Variants in PI4KA observed in about 807,000 individuals in gnomAD.
The protein encoded by PI4KA is phosphatidylinositol 4-kinase alpha, also known as PI4-kinase alpha.
Under a neutral mutation model 271.4 loss-of-function variants are expected in PI4KA, and 122 were observed. The ratio of observed to expected loss-of-function variants is 0.45; its 90% CI spans 0.39 to 0.52. The LOEUF is 0.52. Among genes scored for constraint, PI4KA ranks in the 20% least tolerant of loss-of-function variants. The probability of loss-of-function intolerance (pLI) is 0.00; values close to 1 mark genes in which losing one functional copy is unlikely to be tolerated. For missense variants in PI4KA, 1,969 were observed against 2,769.1 expected (o/e 0.71, Z 6.48); for synonymous variants, 1,041 against 1,078.8 (o/e 0.96, Z 0.69).
intron 45 of PI4KA, among the ~76,000 whole-genome samples, chr22:20,716,295 A>G (rs1242562897): frequency 6.6e-6 from 1 of 152,042 alleles, no homozygotes; most frequent in Admixed American, 6.5e-5. Context: ...CAGGTGATCC[A>G]CCTGCCTTGG....
Position 20,819,745 on chromosome 22 carries a change from G to A in PI4KA, c.685C>T (p.Arg229Cys), listed in dbSNP as rs751633032. 4 of 1,613,924 alleles carry A rather than the reference G, an allele frequency of 2.5e-6. No individual in the cohort carries two copies. Among genetic ancestry groups the A allele is most frequent in the Non-Finnish European group, 3.4e-6 (4 of 1,179,994 alleles). The change falls in exon 6 of 55, where the codon CGT (arginine) becomes TGT (cysteine). Residue 229 changes from arginine (R) to cysteine (C), a missense_variant. By Grantham distance (180) the Arg-to-Cys change is radical. This residue lies in a region of PI4KA where 540 missense variants were observed against 555.5 expected (regional missense o/e 0.97). Transcript: ENST00000255882. ...VLEELEGVRR[R>C]SFNDFRSILP... The stretch of plus-strand genomic sequence containing the variant: ...ATGGAGCGGAAGTCATTAAAGGAAC[G>A]CCTTCGAACACCTTCAAGCTCTTCC...
intron 48 of PI4KA, 123 bp from the exon 49 acceptor site, chr22:20,712,920 G>A (rs1210222861): frequency 8.4e-6 from 12 of 1,432,088 alleles, no homozygotes; most frequent in Admixed American, 4.4e-5. Flanking sequence ...GACCACAGCC[G>A]AGCAAGAGTC....
At chr22:20,723,456 G>T (rs899623349) in intron 42 of PI4KA, among the ~76,000 whole-genome samples, 1 of 151,964 alleles carries the variant, frequency 6.6e-6, no homozygotes, top group South Asian at 2.1e-4. Context: ...CCAGCATTTT[G>T]GGAGGCCGAG....
At chr22:20,769,473 G>T (rs981176999) in intron 19 of PI4KA, among the ~76,000 whole-genome samples, 1 of 152,062 alleles carries the variant, frequency 6.6e-6, no homozygotes, top group Non-Finnish European at 1.5e-5. Flanking sequence ...ATCGAGATCA[G>T]CCTGGCTAAC....
chr22:20,796,330 T>C lies in PI4KA; in HGVS notation c.2109-16A>G, dbSNP rs1329524746. 1 of 1,606,622 alleles carries C rather than the reference T, an allele frequency of 6.2e-7. No individual in the cohort carries two copies. The highest frequency in any genetic ancestry group is 2.2e-5 in the East Asian group (1 of 44,648). On this transcript the variant is annotated splice_polypyrimidine_tract_variant and intron_variant, in intron 17 of 54. Transcript: ENST00000255882. ...GGAGCAATGCCTGAAGAAGAAGGAGTGAAATAACAGCCACTGCCAGGCCCT... is the reference window on the plus strand; with the variant it reads ...GGAGCAATGCCTGAAGAAGAAGGAGCGAAATAACAGCCACTGCCAGGCCCT...
chr22:20,810,832 G>T, intron 9 of PI4KA, 135 bp downstream of exon 9: 1 of 737,842 alleles, frequency 1.4e-6, no homozygotes. Context: ...CAGGTGGATT[G>T]TTACCACATG....
chr22:20,713,947 C>G (rs1261166156), intron 47 of PI4KA, among the ~76,000 whole-genome samples: 1 of 152,212 alleles, frequency 6.6e-6, no homozygotes, highest in East Asian at 1.9e-4. Context: ...TGGATTAGGA[C>G]AGTCCCTAAT....
At chr22:20,841,854 C>T (rs1925592191) in intron 1 of PI4KA, among the ~76,000 whole-genome samples, 3 of 152,080 alleles carry the variant, frequency 2.0e-5, no homozygotes, top group South Asian at 4.2e-4. Context: ...CCAACCATTG[C>T]TCCCTTTGAA....
chr22:20,754,650 T>C (rs544569020), intron 23 of PI4KA, among the ~76,000 whole-genome samples: 98 of 152,304 alleles, frequency 6.4e-4, no homozygotes, highest in Middle Eastern at 3.4e-3. Context: ...CAATTCTTTC[T>C]ACTTTTTAAA....
At chr22:20,780,358 A>G (rs185575799) in intron 19 of PI4KA, among the ~76,000 whole-genome samples, 1 of 152,362 alleles carries the variant, frequency 6.6e-6, no homozygotes, top group African/African-American at 2.4e-5. Context: ...GGCCAAGCTG[A>G]AGTGACAGTA....
Position 20,714,679 on chromosome 22 carries a change from G to A in PI4KA, c.5339C>T (p.Pro1780Leu), listed in dbSNP as rs1925750128. The change falls in exon 46 of 55, where the codon CCT becomes CTT. Residue 1780 changes from proline to leucine, a missense_variant. By Grantham distance (98) the Pro-to-Leu change is moderately conservative. This residue lies in a region of PI4KA where 388 missense variants were observed against 521.5 expected (regional missense o/e 0.74). Coordinates refer to ENST00000255882, the MANE Select transcript of PI4KA (RefSeq NM_058004.4). ...VQPGCYLPSN[P>L]EAIVLDIDYK... is the part of the protein sequence containing the mutation. ...GTCGATGTCCAGCACAATGGCCTCA[G>A]GGTTGCTGGGCAGGTAGCAGCCTGT... 1 of 1,613,852 alleles carries A rather than the reference G, an allele frequency of 6.2e-7. No individual in the cohort carries two copies. The highest frequency in any genetic ancestry group is 1.7e-5 in the Admixed American group (1 of 59,996).
chr22:20,780,893 AT>A (rs1409786810), intron 19 of PI4KA, among the ~76,000 whole-genome samples: 1 of 152,146 alleles, frequency 6.6e-6, no homozygotes, highest in African/African-American at 2.4e-5. Context: ...GGAAGAAATA[AT>A]ACAAAAACTG....
In PI4KA at chr22:20,786,098, A is replaced by G; in HGVS notation, c.2328+7095T>C. 4 of 1,614,164 alleles carry G rather than the reference A, an allele frequency of 2.5e-6. No homozygotes were observed. The South Asian group carries it at 4.4e-5, about 18-fold the overall frequency. On this transcript the variant is annotated intron_variant, in intron 19 of 54. Transcript: ENST00000255882. Reference sequence around the variant, plus strand: ...GATGGGGATCAGGATGCTGTTTGACAAAAATGGCAACATGGCAGGCATCTC... The same window carrying G: ...GATGGGGATCAGGATGCTGTTTGACGAAAATGGCAACATGGCAGGCATCTC...
intron 17 of PI4KA, among the ~76,000 whole-genome samples, chr22:20,798,072 A>G (rs1349379360): frequency 2.6e-5 from 4 of 152,222 alleles, no homozygotes; most frequent in Non-Finnish European, 5.9e-5. Flanking sequence ...TTTAACGCCT[A>G]CTTCCTTGGA....
Position 20,718,789 on chromosome 22 carries a change from T to C in PI4KA, c.5150A>G (p.Glu1717Gly). 1 of 1,614,032 alleles carries C rather than the reference T, an allele frequency of 6.2e-7. No individual in the cohort carries two copies. The highest frequency in any genetic ancestry group is 8.5e-7 in the Non-Finnish European group (1 of 1,179,956). ...GCCGGACAAGGAGCCTGTGATCTCC[T>C]CTACCAACTGATCCAGGAGGTCGCC... ...DIGDLLDQLV[E>G]EITGSLSGPA... is the part of the protein sequence containing the mutation. Residue 1717 changes from glutamate (E) to glycine (G), a missense_variant, in exon 44 of 55, where the codon GAG (glutamate) becomes GGG (glycine). Physicochemically the swap from Glu to Gly is moderately conservative, Grantham distance 98 (BLOSUM62 -2). Transcript: ENST00000255882.
intron 2 of PI4KA, among the ~76,000 whole-genome samples, chr22:20,836,720 T>G: frequency 6.6e-6 from 1 of 152,184 alleles, no homozygotes; most frequent in South Asian, 2.1e-4. Flanking sequence ...CAAAGCATGC[T>G]AGGCTTCTCT....
intron 4 of PI4KA, among the ~76,000 whole-genome samples, chr22:20,821,028 C>T (rs982960363): frequency 6.6e-6 from 1 of 152,144 alleles, no homozygotes; most frequent in Non-Finnish European, 1.5e-5. Flanking sequence ...TTACGGTAGT[C>T]CAGTTTTCTG....
intron 29 of PI4KA, among the ~76,000 whole-genome samples, chr22:20,745,618 A>T (rs1405753753): frequency 6.6e-6 from 1 of 152,158 alleles, no homozygotes. Context: ...TTAAAAAAAT[A>T]AATTACGTGA....
intron 29 of PI4KA, 68 bp from the exon 30 acceptor site, chr22:20,744,788 A>C: frequency 7.7e-7 from 1 of 1,290,656 alleles, no homozygotes; most frequent in Non-Finnish European, 1.1e-6. Flanking sequence ...ACCATGGCTA[A>C]GCCTAAACCC....
Sources: gnomAD v4.1 joint callset for allele counts (sites outside exome capture counted in the v4.1 genomes callset) on GRCh38, gnomAD v4.1.1 for gene constraint, gnomAD v4.1.1 regional missense constraint, MANE v1.5 for transcripts, NCBI Gene and HGNC (gene_info 2026-07-23, HGNC 2026-07-21) for gene names.